Variants in CTNNA3 observed in about 807,000 individuals in gnomAD.
The protein encoded by CTNNA3 is catenin alpha 3.
Under a neutral mutation model 95.7 loss-of-function variants are expected in CTNNA3, and 76 were observed. That is an observed-to-expected ratio of 0.79 (90% CI 0.66 to 0.96). The LOEUF is 0.96. Among genes scored for constraint, CTNNA3 ranks in the 40% least tolerant of loss-of-function variants. The probability of loss-of-function intolerance (pLI) is 0.00; values close to 1 mark genes in which losing one functional copy is unlikely to be tolerated. For missense variants in CTNNA3, 1,191 were observed against 1,089.8 expected (o/e 1.09, Z -1.31); for synonymous variants, 431 against 374.4 (o/e 1.15, Z -1.74).
At chr10:66,735,358 G>T (rs983355506) in intron 9 of CTNNA3, among the ~76,000 whole-genome samples, 41 of 151,938 alleles carry the variant, frequency 2.7e-4, no homozygotes, top group Non-Finnish European at 4.9e-4. Flanking sequence ...TTATTTAGAG[G>T]TAACTAACAT....
intron 13 of CTNNA3, among the ~76,000 whole-genome samples, chr10:66,166,553 T>C (rs1389824897): frequency 1.3e-5 from 2 of 150,800 alleles, no homozygotes; most frequent in African/African-American, 4.9e-5. Context: ...AGCTTATCTA[T>C]GGTTAAAAAC....
At chr10:66,437,828 G>T (rs2093348953) in intron 11 of CTNNA3, among the ~76,000 whole-genome samples, 1 of 152,082 alleles carries the variant, frequency 6.6e-6, no homozygotes, top group African/African-American at 2.4e-5. Context: ...CCTCATCTTT[G>T]TGGATTTATC....
At chr10:66,426,979 T>C (rs7896268) in intron 11 of CTNNA3, among the ~76,000 whole-genome samples, 58,005 of 151,832 alleles carry the variant, frequency 0.38, 11,650 homozygotes, top group African/African-American at 0.5. Flanking sequence ...GTAACTAATA[T>C]TCTGATATTT....
chr10:67,311,999 A>G (rs1421411081), intron 5 of CTNNA3, among the ~76,000 whole-genome samples: 1 of 151,962 alleles, frequency 6.6e-6, no homozygotes, highest in Non-Finnish European at 1.5e-5. Flanking sequence ...ACCTCACTAC[A>G]ATCACACCAC....
chr10:66,306,791 T>C (rs1330639649), intron 12 of CTNNA3, among the ~76,000 whole-genome samples: 5 of 152,170 alleles, frequency 3.3e-5, no homozygotes, highest in Non-Finnish European at 7.4e-5. Flanking sequence ...TAAAGACTGG[T>C]TTTCGTATGT....
At chr10:66,005,701 G>C (rs540163359) in intron 15 of CTNNA3, among the ~76,000 whole-genome samples, 1 of 152,010 alleles carries the variant, frequency 6.6e-6, no homozygotes, top group South Asian at 2.1e-4. Context: ...AGCACATAAG[G>C]CTCTGGCGTG....
intron 10 of CTNNA3, among the ~76,000 whole-genome samples, chr10:66,581,131 T>G (rs779897309): frequency 8.6e-5 from 13 of 151,894 alleles, no homozygotes; most frequent in Non-Finnish European, 1.9e-4. Context: ...CACATTTTCT[T>G]TATCCACTCA....
In CTNNA3 at chr10:66,685,221, A is replaced by ATATATATACGTAAATATGTGTG. The variant is rs1847221206; in HGVS notation, c.1282-63438_1282-63437insCACACATATTTACGTATATATA. 8.2e-5 allele frequency among the ~76,000 whole-genome samples: 10 copies of ATATATATACGTAAATATGTGTG among 122,316 alleles called. 1 individual carries two copies. Among genetic ancestry groups the ATATATATACGTAAATATGTGTG allele is most frequent in the African/African-American group, 2.1e-4 (6 of 28,062 alleles). The allele number at this position is 122,316 out of a possible 152,430, so 80.2% of individuals were successfully genotyped here. On this transcript the variant is annotated intron_variant, in intron 9 of 17. Transcript: ENST00000433211. ...TATATATATACGTATATATATGTGT[A>ATATATATACGTAAATATGTGTG]TATATATACGTATATATGTGTGTAT... is the stretch of plus-strand genomic sequence containing the variant.
chr10:66,010,524 A>G (rs551302134), intron 15 of CTNNA3, among the ~76,000 whole-genome samples: 6 of 152,296 alleles, frequency 3.9e-5, no homozygotes, highest in Admixed American at 1.3e-4. Context: ...TTATTTTCAA[A>G]CATAGCTATT....
At chr10:66,079,707 T>C (rs1342799111) in intron 14 of CTNNA3, among the ~76,000 whole-genome samples, 2 of 151,782 alleles carry the variant, frequency 1.3e-5, no homozygotes, top group African/African-American at 2.4e-5. Context: ...GTCTATATTA[T>C]TATGATTCAA....
intron 7 of CTNNA3, among the ~76,000 whole-genome samples, chr10:67,104,281 TGTGA>T (rs1303293025): frequency 6.6e-6 from 1 of 151,798 alleles, no homozygotes; most frequent in African/African-American, 2.4e-5. Context: ...GAATATTTCC[TGTGA>T]GTGATTTTAA....
intron 9 of CTNNA3, among the ~76,000 whole-genome samples, chr10:66,730,023 G>A (rs750850993): frequency 3.3e-5 from 5 of 151,124 alleles, no homozygotes; most frequent in Middle Eastern, 3.5e-3. Flanking sequence ...GGTGAATGGC[G>A]TGAACCCAGG....
At chr10:66,321,428 A>G (rs73303445) in intron 12 of CTNNA3, among the ~76,000 whole-genome samples, 1,738 of 152,214 alleles carry the variant, frequency 0.011, 33 homozygotes, top group African/African-American at 0.04. Context: ...CCTAAGAAGT[A>G]ACTTAACTGT....
intron 3 of CTNNA3, among the ~76,000 whole-genome samples, chr10:67,588,867 C>T (rs1198458186): frequency 1.3e-5 from 2 of 151,850 alleles, no homozygotes; most frequent in East Asian, 1.9e-4. Context: ...CATTTTTAAA[C>T]GTTTCAAGAA....
chr10:65,951,524 C>G (rs966820294), intron 17 of CTNNA3, among the ~76,000 whole-genome samples: 1 of 151,996 alleles, frequency 6.6e-6, no homozygotes, highest in African/African-American at 2.4e-5. Flanking sequence ...TAATACTGTG[C>G]TCTAGTCTGT....
rs1839967704 is a variant in CTNNA3, at chr10:66,492,774, G to A, written c.1531+27843C>T. Among the ~76,000 whole-genome samples the A allele has an allele frequency of 5.3e-5, 8 of 152,120 alleles. No individual in the cohort carries two copies. The South Asian group carries it at 1.7e-3, about 32-fold the overall frequency. ...GGCTTGAAGTCATTTAAAGCAGCAG[G>A]TAATTTTACTATACCACCAATTGGG... On this transcript the variant is annotated intron_variant, in intron 11 of 17. Transcript: ENST00000433211.
intron 2 of CTNNA3, among the ~76,000 whole-genome samples, chr10:67,622,039 C>A (rs970441536): frequency 6.6e-6 from 1 of 152,170 alleles, no homozygotes; most frequent in Admixed American, 6.5e-5. Flanking sequence ...AACCACTGGT[C>A]TAGAGTCAGA....
intron 5 of CTNNA3, among the ~76,000 whole-genome samples, chr10:67,367,055 C>T (rs1047351841): frequency 4.6e-5 from 7 of 152,006 alleles, no homozygotes; most frequent in Non-Finnish European, 7.4e-5. Context: ...ATGGCTAAGT[C>T]CTGCAATTGC....
At chr10:67,668,773 G>A (rs1319500851) in intron 1 of CTNNA3, among the ~76,000 whole-genome samples, 1 of 150,476 alleles carries the variant, frequency 6.6e-6, no homozygotes, top group Admixed American at 6.6e-5. Flanking sequence ...GACCAGGGTT[G>A]ACCTTGAGTA....
Sources: allele counts gnomAD v4.1 joint callset (sites outside exome capture counted in the v4.1 genomes callset), GRCh38; gene constraint gnomAD v4.1.1; transcripts MANE v1.5; gene names NCBI Gene and HGNC (gene_info 2026-07-23, HGNC 2026-07-21).